The following DAB1 variants were observed in gnomAD, a reference collection of about 807,000 sequenced individuals.
The protein encoded by DAB1 is disabled homolog 1.
Under a neutral mutation model 64.6 loss-of-function variants are expected in DAB1, and 15 were observed. The observed-to-expected ratio is 0.23, with a 90% CI of 0.16 to 0.36. The LOEUF is 0.36. DAB1 is among the 10% of genes least tolerant of loss of function. The pLI, the probability that DAB1 is intolerant of heterozygous loss-of-function variation, is 1.00. For synonymous variants in DAB1, 235 were observed against 251.9 expected (o/e 0.93, Z 0.64); for missense variants, 596 against 706.7 (o/e 0.84, Z 1.78).
rs545788952 is a variant in DAB1, at chr1:58,299,104, G to T, written n.309+44248C>A. ...ATCCTGGGAAATTCTGTCTGTATTG[G>T]ACTACTGATAAAGGAACTTTTACCC... On this transcript the variant is annotated intron_variant and non_coding_transcript_variant, in intron 4 of 20. Transcript: ENST00000485760. Among the ~76,000 whole-genome samples, 8 of 152,240 alleles carry T rather than the reference G, an allele frequency of 5.3e-5. No homozygotes were observed. The East Asian group carries it at 1.5e-3, about 29-fold the overall frequency.
At chr1:58,077,808 C>A (rs1176481190) in intron 5 of DAB1, among the ~76,000 whole-genome samples, 2 of 152,182 alleles carry the variant, frequency 1.3e-5, no homozygotes, top group Admixed American at 6.5e-5. Flanking sequence ...CACACTTGGT[C>A]TTTCAGTGCC....
At chr1:58,232,951 C>G (rs867621026) in intron 4 of DAB1, among the ~76,000 whole-genome samples, 18 of 152,306 alleles carry the variant, frequency 1.2e-4, no homozygotes, top group African/African-American at 4.1e-4. Context: ...TTTCTCCAAG[C>G]AGGTTGTTAG....
At chr1:58,450,423 G>T (rs1645119775) in intron 3 of DAB1, among the ~76,000 whole-genome samples, 1 of 152,148 alleles carries the variant, frequency 6.6e-6, no homozygotes, top group Non-Finnish European at 1.5e-5. Context: ...CCCCCAATGT[G>T]TGGGCTGGAT....
At chr1:57,383,013 A>G (rs10493219) in intron 1 of DAB1, among the ~76,000 whole-genome samples, 46,936 of 151,858 alleles carry the variant, frequency 0.31, 7,699 homozygotes, top group African/African-American at 0.38. Context: ...AAGTATACAG[A>G]AAGTTAGAAG....
intron 2 of DAB1, among the ~76,000 whole-genome samples, chr1:57,164,762 T>C (rs1661073518): frequency 6.6e-6 from 1 of 152,120 alleles, no homozygotes; most frequent in Non-Finnish European, 1.5e-5. Flanking sequence ...TGATTCCAAA[T>C]TCCTGGGTCA....
chr1:58,334,638 TATCATATC>T lies in DAB1; in HGVS notation n.309+8706_309+8713del, dbSNP rs1488763842. Among the ~76,000 whole-genome samples the T allele has an allele frequency of 4.3e-5, 6 of 139,192 alleles. No homozygotes were observed. The East Asian group carries it at 1.2e-3, about 28-fold the overall frequency. 91.3% of individuals were successfully genotyped at this position (139,192 alleles called of 152,430 possible). ...TATTATATTATATTATATTATATCA[TATCATATC>T]ATATCATATTATATTATATTATATT... On this transcript the variant is annotated intron_variant and non_coding_transcript_variant, in intron 4 of 20. Transcript: ENST00000485760.
At chr1:57,558,492 A>G (rs1645015529) in intron 7 of DAB1, among the ~76,000 whole-genome samples, 1 of 152,186 alleles carries the variant, frequency 6.6e-6, no homozygotes, top group African/African-American at 2.4e-5. Context: ...TCTAATTCAT[A>G]TAAACAGAAA....
chr1:57,074,443 T>C (rs948897450), intron 4 of DAB1, among the ~76,000 whole-genome samples: 1 of 152,130 alleles, frequency 6.6e-6, no homozygotes, highest in Non-Finnish European at 1.5e-5. Context: ...GACCACTCAC[T>C]ACAAAACCAG....
At chr1:57,765,657 T>G (rs566502372) in intron 6 of DAB1, among the ~76,000 whole-genome samples, 267 of 152,242 alleles carry the variant, frequency 1.8e-3, no homozygotes, top group African/African-American at 5.9e-3. Flanking sequence ...AATGGTCAGT[T>G]CTCAATCCTT....
chr1:57,994,357 AAG>A (rs1646394154), intron 5 of DAB1, among the ~76,000 whole-genome samples: 2 of 152,208 alleles, frequency 1.3e-5, no homozygotes, highest in African/African-American at 4.8e-5. Flanking sequence ...ACAACAAAGG[AAG>A]AGCATGGCAT....
intron 5 of DAB1, among the ~76,000 whole-genome samples, chr1:58,106,949 T>C (rs1347388151): frequency 6.6e-6 from 1 of 151,344 alleles, no homozygotes; most frequent in East Asian, 2.0e-4. Context: ...GTTTCCTTTA[T>C]TTTTTCTTTC....
chr1:58,493,159 G>C (rs1241404148), intron 3 of DAB1, among the ~76,000 whole-genome samples: 54 of 151,782 alleles, frequency 3.6e-4, no homozygotes, highest in African/African-American at 9.4e-4. Context: ...GAACCAACGA[G>C]AAAAACCACA....
At chr1:57,519,489 C>T (rs995080411) in intron 7 of DAB1, among the ~76,000 whole-genome samples, 11 of 152,178 alleles carry the variant, frequency 7.2e-5, no homozygotes, top group South Asian at 4.2e-4. Context: ...CCCCTATTTG[C>T]GGGTGACAAA....
intron 3 of DAB1, among the ~76,000 whole-genome samples, chr1:58,346,495 T>C (rs914326827): frequency 6.6e-6 from 1 of 152,212 alleles, no homozygotes; most frequent in Non-Finnish European, 1.5e-5. Context: ...TCCTACATGG[T>C]AGCTCAATAC....
intron 1 of DAB1, chr1:57,862,800 A>C (rs1428420686): frequency 6.6e-6 from 1 of 152,220 alleles, no homozygotes; most frequent in Non-Finnish European, 1.5e-5. Flanking sequence ...GGCAAGAAAC[A>C]GGGACACTGA....
chr1:57,471,951 A>G (rs914117990), intron 7 of DAB1, among the ~76,000 whole-genome samples: 1 of 152,260 alleles, frequency 6.6e-6, no homozygotes, highest in Non-Finnish European at 1.5e-5. Context: ...CTTTGAGTGT[A>G]GACTGGAGAA....
chr1:58,478,259 C>T (rs934932934), intron 3 of DAB1, among the ~76,000 whole-genome samples: 1 of 152,110 alleles, frequency 6.6e-6, no homozygotes, highest in Non-Finnish European at 1.5e-5. Flanking sequence ...CTTACCCTTC[C>T]GCCATGATTG....
chr1:58,191,589 G>A (rs1657390655), intron 4 of DAB1, among the ~76,000 whole-genome samples: 1 of 152,176 alleles, frequency 6.6e-6, no homozygotes, highest in African/African-American at 2.4e-5. Context: ...GTCTTCTGGA[G>A]CTCATCCAGG....
chr1:57,955,578 A>G (rs1162177862), intron 5 of DAB1, among the ~76,000 whole-genome samples: 1 of 152,200 alleles, frequency 6.6e-6, no homozygotes, highest in Admixed American at 6.5e-5. Flanking sequence ...TTACAAAGAA[A>G]AGTGTAGAAG....
Sources: gnomAD v4.1 joint callset for allele counts (sites outside exome capture counted in the v4.1 genomes callset) on GRCh38, gnomAD v4.1.1 for gene constraint, MANE v1.5 for transcripts, NCBI Gene and HGNC (gene_info 2026-07-23, HGNC 2026-07-21) for gene names.